The following CDH13 variants were observed in gnomAD, a reference collection of about 807,000 sequenced individuals.
The protein encoded by CDH13 is cadherin 13, also known as cadherin-13.
CDH13 carries 24 observed loss-of-function variants against 63.8 expected under a neutral mutation model. That is an observed-to-expected ratio of 0.38 (90% confidence interval 0.27 to 0.53). The LOEUF (loss-of-function observed/expected upper bound fraction) is 0.53. Among genes scored for constraint, CDH13 ranks in the 20% least tolerant of loss-of-function variants. The pLI, the probability that CDH13 is intolerant of heterozygous loss-of-function variation, is 0.85. For missense variants in CDH13, 1,049 were observed against 903.1 expected (o/e 1.16, Z -2.07); for synonymous variants, 503 against 355.3 (o/e 1.42, Z -4.67).
At chr16:82,743,008 G>C (rs74030812) in intron 1 of CDH13, among the ~76,000 whole-genome samples, 1,623 of 152,188 alleles carry the variant, frequency 0.011, 27 homozygotes, top group African/African-American at 0.038. Flanking sequence ...ATAACCATGA[G>C]AAATAATTTT....
At position 82,966,653 on chromosome 16, in the gene CDH13, G is replaced by C. The variant is rs188161929; in HGVS notation, c.158-65357G>C. 3.9e-5 allele frequency among the ~76,000 whole-genome samples: 6 copies of C among 152,224 alleles called. No homozygotes were observed. In the East Asian group the frequency reaches 7.7e-4, roughly 20 times the overall value. The stretch of plus-strand genomic sequence containing the variant: ...TTTTGAAATGAATTCAGACTTACAG[G>C]AAAGTTGCAAAAAGAATGTAGGTAA... On this transcript the variant is annotated intron_variant, in intron 2 of 13. Transcript: ENST00000567109.
Position 83,670,973 on chromosome 16 carries a change from G to C in CDH13, c.1284+1G>C, listed in dbSNP as rs776838678. ...CGAAGGGATGCTTTCTGTTGTCAAA[G>C]TAAGGGTGCTTCCAATTGCCTCTTT... is the stretch of plus-strand genomic sequence containing the variant. On this transcript the variant is annotated splice_donor_variant, in intron 9 of 13. Coordinates refer to ENST00000567109, the MANE Select transcript of CDH13 (RefSeq NM_001257.5). LOFTEE classifies it high-confidence loss of function. 6.3e-7 allele frequency: 1 copy of C among 1,582,900 alleles called. No homozygotes were observed. The highest frequency in any genetic ancestry group is 8.6e-7 in the Non-Finnish European group (1 of 1,162,052).
chr16:82,967,659 A>ACC lies in CDH13; in HGVS notation c.158-64345_158-64344dup, dbSNP rs35233892. The stretch of plus-strand genomic sequence containing the variant: ...TGGAAAGCCAGGTCGGAGAACAGAG[A>ACC]CCCCCCCAGCCTGCTTTCACAGTTG... On this transcript the variant is annotated intron_variant, in intron 2 of 13. Transcript: ENST00000567109. Among the ~76,000 whole-genome samples the ACC allele has an allele frequency of 8.6e-5, 13 of 151,794 alleles. No individual in the cohort carries two copies. The East Asian group carries it at 1.2e-3, about 14-fold the overall frequency.
chr16:82,749,341 C>G (rs574668171), intron 1 of CDH13, among the ~76,000 whole-genome samples: 20 of 152,280 alleles, frequency 1.3e-4, no homozygotes, highest in African/African-American at 3.8e-4. Context: ...AATGAGGCTT[C>G]ACTTACATAG....
Position 83,753,346 on chromosome 16 carries a change from C to G in CDH13, c.1681+5096C>G, listed in dbSNP as rs182231406. On this transcript the variant is annotated intron_variant, in intron 11 of 13. Coordinates refer to ENST00000567109, the MANE Select transcript of CDH13 (RefSeq NM_001257.5). ...ATTGCCTGAACCTAGGAGTTCAAAACCATCCTGGGCAACATGGCAAAACTC... is the reference window on the plus strand; with the variant it reads ...ATTGCCTGAACCTAGGAGTTCAAAAGCATCCTGGGCAACATGGCAAAACTC... Among the ~76,000 whole-genome samples the G allele has an allele frequency of 2.6e-5, 4 of 152,218 alleles. No homozygotes were observed. The East Asian group carries it at 7.7e-4, about 29-fold the overall frequency.
chr16:82,691,164 G>A (rs1915608338), intron 1 of CDH13, among the ~76,000 whole-genome samples: 1 of 152,164 alleles, frequency 6.6e-6, no homozygotes, highest in Admixed American at 6.5e-5. Context: ...GGACCTTCAG[G>A]GACCCTCGTG....
chr16:82,743,830 T>C (rs1597455763), intron 1 of CDH13, among the ~76,000 whole-genome samples: 1 of 152,226 alleles, frequency 6.6e-6, no homozygotes, highest in South Asian at 2.1e-4. Context: ...TTTTCTATTT[T>C]ATAAATATGA....
At chr16:83,015,709 A>G (rs1340323280) in intron 2 of CDH13, among the ~76,000 whole-genome samples, 3 of 123,450 alleles carry the variant, frequency 2.4e-5, no homozygotes, top group Non-Finnish European at 5.2e-5. Context: ...ATATATATAT[A>G]TATATATATA....
chr16:83,463,244 A>G (rs1308835507), intron 6 of CDH13, among the ~76,000 whole-genome samples: 1 of 152,216 alleles, frequency 6.6e-6, no homozygotes, highest in Non-Finnish European at 1.5e-5. Context: ...AGCTGGTGAA[A>G]GTTCAAGTTA....
rs879575765 is a variant in CDH13 at position 83,281,327 on chromosome 16, G to T, written c.637-63535G>T. On this transcript the variant is annotated intron_variant, in intron 5 of 13. Transcript: ENST00000567109. ...GTTAGGTTCAGACTTTTCTTCTGCA[G>T]ATTATTCACCTCTCTCAGCCTTTAT... 1.1e-4 allele frequency among the ~76,000 whole-genome samples: 17 copies of T among 152,278 alleles called. No individual in the cohort carries two copies. In the East Asian group the frequency reaches 3.3e-3, roughly 29 times the overall value.
chr16:83,033,200 C>G (rs879443800), intron 3 of CDH13, among the ~76,000 whole-genome samples: 1 of 152,182 alleles, frequency 6.6e-6, no homozygotes, highest in Non-Finnish European at 1.5e-5. Flanking sequence ...CCAACCTACT[C>G]ATGCTCCTCC....
At chr16:83,294,086 T>G (rs765816062) in intron 5 of CDH13, among the ~76,000 whole-genome samples, 26 of 152,136 alleles carry the variant, frequency 1.7e-4, no homozygotes, top group Non-Finnish European at 3.2e-4. Context: ...ACTATTTTTC[T>G]TTTAGAATTT....
At chr16:82,656,579 A>G (rs1911322187) in intron 1 of CDH13, among the ~76,000 whole-genome samples, 1 of 152,106 alleles carries the variant, frequency 6.6e-6, no homozygotes, top group Admixed American at 6.5e-5. Flanking sequence ...TTGACACATC[A>G]TTATCACTCA....
intron 2 of CDH13, among the ~76,000 whole-genome samples, chr16:82,947,803 A>G (rs566374890): frequency 1.3e-5 from 2 of 152,134 alleles, no homozygotes; most frequent in South Asian, 4.1e-4. Flanking sequence ...CAGTTCCTCA[A>G]GTGGAATTTT....
At chr16:83,722,798 C>T (rs543199488) in intron 10 of CDH13, among the ~76,000 whole-genome samples, 1 of 152,178 alleles carries the variant, frequency 6.6e-6, no homozygotes, top group Non-Finnish European at 1.5e-5. Flanking sequence ...TGTCATCTTA[C>T]TAAAAAAGTT....
At chr16:83,673,343 T>G (rs1029428435) in intron 9 of CDH13, among the ~76,000 whole-genome samples, 2 of 152,310 alleles carry the variant, frequency 1.3e-5, no homozygotes, top group African/African-American at 2.4e-5. Flanking sequence ...GGCCTCTGAA[T>G]CTACCAATCT....
intron 5 of CDH13, among the ~76,000 whole-genome samples, chr16:83,329,058 C>A (rs1023554858): frequency 2.6e-5 from 4 of 152,152 alleles, no homozygotes; most frequent in Non-Finnish European, 5.9e-5. Context: ...AATGAGGCAT[C>A]TTGAGCTTCC....
chr16:83,559,251 C>A (rs1421932807), intron 7 of CDH13, among the ~76,000 whole-genome samples: 1 of 152,124 alleles, frequency 6.6e-6, no homozygotes, highest in Non-Finnish European at 1.5e-5. Context: ...GATCACTTCA[C>A]ATGTAGTATG....
At chr16:83,372,060 A>G (rs2091376991) in intron 6 of CDH13, among the ~76,000 whole-genome samples, 1 of 152,240 alleles carries the variant, frequency 6.6e-6, no homozygotes. Context: ...GATTTGAAAC[A>G]TCACCATCAT....
Sources: allele counts gnomAD v4.1 joint callset (sites outside exome capture counted in the v4.1 genomes callset), GRCh38; gene constraint gnomAD v4.1.1; transcripts MANE v1.5; gene names NCBI Gene and HGNC (gene_info 2026-07-23, HGNC 2026-07-21).